INPPL1: variants seen among roughly 807,000 people sequenced by gnomAD.
INPPL1 encodes phosphatidylinositol 3,4,5-trisphosphate 5-phosphatase 2.
INPPL1 carries 91 observed loss-of-function variants against 139.3 expected under a neutral mutation model. The observed-to-expected ratio is 0.65, with a 90% CI of 0.55 to 0.78. The LOEUF is 0.78. INPPL1 is among the 30% of genes least tolerant of loss of function. The probability of loss-of-function intolerance (pLI) is 0.00; values close to 1 mark genes in which losing one functional copy is unlikely to be tolerated. For synonymous variants in INPPL1, 719 were observed against 686.6 expected (o/e 1.05, Z -0.74); for missense variants, 1,411 against 1,665.6 (o/e 0.85, Z 2.66).
chr11:72,230,069 G>C, intron 8 of INPPL1, 50 bp downstream of exon 8: 1 of 1,613,940 alleles, frequency 6.2e-7, no homozygotes, highest in Non-Finnish European at 8.5e-7. Context: ...GAGGTGACCA[G>C]GGTGCTGCCT....
rs901314805 is a variant in INPPL1, at chr11:72,236,005, C to A, written c.2879+19C>A. 6.3e-6 allele frequency: 9 copies of A among 1,435,528 alleles called. No homozygotes were observed. The highest frequency in any genetic ancestry group is 8.6e-6 in the Non-Finnish European group (9 of 1,048,750). 88.9% of individuals were successfully genotyped at this position (1,435,528 alleles called of 1,614,324 possible). A position where few individuals can be genotyped will look rare whatever the true frequency, so the allele number is the denominator to read the frequency against. On this transcript the variant is annotated intron_variant, in intron 25 of 27. Coordinates refer to ENST00000298229, the MANE Select transcript of INPPL1 (RefSeq NM_001567.4). ...CCCCCAGGTGAGAGGAGGAACCTGT[C>A]ACCGCCCCCCCTTCCCCCACCCACC... is the stretch of plus-strand genomic sequence containing the variant.
chr11:72,230,476 G>A lies in INPPL1; in HGVS notation c.1197+8G>A, dbSNP rs369144672. 5.0e-5 allele frequency: 80 copies of A among 1,612,708 alleles called. 1 individual carries two copies. In the African/African-American group the frequency reaches 7.6e-4, roughly 15 times the overall value. On this transcript the variant is annotated splice_region_variant and intron_variant, in intron 10 of 27. Transcript: ENST00000298229. ...ATCTTTGTCAGTGCCCGGGTGAGCA[G>A]CAGGCTGGGCCAGGCCACTGGGGAC...
intron 10 of INPPL1, 129 bp from the exon 11 acceptor site, chr11:72,230,667 G>T: frequency 1.2e-6 from 1 of 853,888 alleles, no homozygotes; most frequent in Non-Finnish European, 1.9e-6. Flanking sequence ...ATATGCTTGA[G>T]CAGTGGGTAT....
chr11:72,235,877 GCCT>G lies in INPPL1; in HGVS notation c.2774_2776del (p.Ser925del). ...GAGCCGCAAGCCAGCCTTCACAGAG[GCCT>G]CCTGCCCGCTCTCCAGGTTATTTGA... On this transcript the variant is annotated inframe_deletion, in exon 25 of 28. Transcript: ENST00000298229. This position sits in a 1 kb window ranked among gnomAD's most constrained non-coding sequence, Gnocchi z 4.9. The G allele has an allele frequency of 6.2e-7, 1 of 1,613,302 alleles. No individual in the cohort carries two copies. Among genetic ancestry groups the G allele is most frequent in the Non-Finnish European group, 8.5e-7 (1 of 1,179,762 alleles).
In INPPL1 at chr11:72,235,712, G is replaced by C; in HGVS notation, c.2697G>C (p.Lys899Asn). The C allele has an allele frequency of 6.2e-7, 1 of 1,614,146 alleles. No individual in the cohort carries two copies. Among genetic ancestry groups the C allele is most frequent in the Non-Finnish European group, 8.5e-7 (1 of 1,180,006 alleles). Residue 899 changes from lysine (K) to asparagine (N), a missense_variant, in exon 24 of 28, where the codon AAG becomes AAC. By Grantham distance (94) the Lys-to-Asn change is moderately conservative. Transcript: ENST00000298229. This position sits in a 1 kb window ranked among gnomAD's most constrained non-coding sequence, Gnocchi z 4.9. ...TTGATAAGGATGAGGCAGGAGCAAA[G>C]AGCAAAGCCCCCTCTGTGTCCCGAG... is the stretch of plus-strand genomic sequence containing the variant. Reference protein sequence around the residue: ...ISIDKDEAGAKSKAPSVSRGS... With the variant: ...ISIDKDEAGANSKAPSVSRGS...
Position 72,228,108 on chromosome 11 carries a change from G to A in INPPL1, c.183-82G>A, listed in dbSNP as rs1948724723. 4 of 1,484,956 alleles carry A rather than the reference G, an allele frequency of 2.7e-6. No homozygotes were observed. Among genetic ancestry groups the A allele is most frequent in the Non-Finnish European group, 2.8e-6 (3 of 1,063,980 alleles). The allele number at this position is 1,484,956 out of a possible 1,614,324, so 92.0% of individuals were successfully genotyped here. On this transcript the variant is annotated intron_variant, in intron 1 of 27. Coordinates refer to ENST00000298229, the MANE Select transcript of INPPL1 (RefSeq NM_001567.4). This position sits in a 1 kb window ranked among gnomAD's most constrained non-coding sequence, Gnocchi z 5.0. ...CAAGCTGAGGGGGTTGGGGTGCTGA[G>A]CTTGCTGGCAGGAGGAAGGGGTGCT...
chr11:72,231,756 T>G lies in INPPL1; in HGVS notation c.1615+141T>G, dbSNP rs1049902447. On this transcript the variant is annotated intron_variant, in intron 13 of 27. Transcript: ENST00000298229. ...GGTACTTTGAACTTTGAAAAACATA[T>G]TCATATTCTAAATCTCTCCCAGCAC... 8 of 673,420 alleles carry G rather than the reference T, an allele frequency of 1.2e-5. No individual in the cohort carries two copies. In the African/African-American group the frequency reaches 1.4e-4, roughly 12 times the overall value. The allele number at this position is 673,420 out of a possible 1,614,324, so 41.7% of individuals were successfully genotyped here.
In INPPL1 at chr11:72,238,122, G is replaced by A; in HGVS notation, c.3633G>A (p.Glu1211=). ...CCTGGCTGCGGGCCATCGGCTTGGA[G>A]CGCTATGAGGAGGGCCTGGTGCATA... The part of the protein sequence containing the change: ...MSAWLRAIGL[E]RYEEGLVHNG... Residue 1211 remains glutamate, a synonymous_variant, in exon 27 of 28, where the codon GAG becomes GAA. Coordinates refer to ENST00000298229, the MANE Select transcript of INPPL1 (RefSeq NM_001567.4). 3 of 1,579,788 alleles carry A rather than the reference G, an allele frequency of 1.9e-6. No individual in the cohort carries two copies. Among genetic ancestry groups the A allele is most frequent in the Non-Finnish European group, 2.6e-6 (3 of 1,163,386 alleles).
At position 72,238,284 on chromosome 11, in the gene INPPL1, G is replaced by C. The variant is rs761593179; in HGVS notation, c.3708G>C (p.Leu1236Phe). 6.2e-7 allele frequency: 1 copy of C among 1,611,334 alleles called. No homozygotes were observed. Among genetic ancestry groups the C allele is most frequent in the Admixed American group, 1.7e-5 (1 of 59,748 alleles). ...EFLSDITEED[L>F]EEAGVQDPAH... ...ACAGTGACATCACCGAGGAGGACTT[G>C]GAGGAGGCTGGGGTGCAGGACCCGG... Residue 1236 changes from leucine to phenylalanine, a missense_variant, in exon 28 of 28, where the codon TTG becomes TTC. By Grantham distance (22) the Leu-to-Phe change is conservative (BLOSUM62 0). Around this residue, in one of 5 missense-constraint regions of INPPL1, gnomAD observed 438 missense variants for 425.7 expected, o/e 1.03. Coordinates refer to ENST00000298229, the MANE Select transcript of INPPL1 (RefSeq NM_001567.4).
chr11:72,225,212 G>T (rs1948635263), intron 1 of INPPL1, 46 bp downstream of exon 1: 3 of 1,223,726 alleles, frequency 2.5e-6, no homozygotes, highest in Non-Finnish European at 3.1e-6. Flanking sequence ...GACCGGGAGC[G>T]CGGGCACGGC....
At chr11:72,231,316 C>A in intron 12 of INPPL1, 127 bp downstream of exon 12, 1 of 1,035,244 alleles carries the variant, frequency 9.7e-7, no homozygotes, top group Non-Finnish European at 1.4e-6. Context: ...TGAGCATATC[C>A]TTTGGGAGAT....
In INPPL1 at chr11:72,232,925, G is replaced by A. The variant is rs1175842706; in HGVS notation, c.1902G>A (p.Val634=). The change falls in exon 16 of 28, where the codon GTG becomes GTA. Residue 634 remains valine, a synonymous_variant. Coordinates refer to ENST00000298229, the MANE Select transcript of INPPL1 (RefSeq NM_001567.4). The part of the protein sequence containing the change: ...SRKEFEPLLR[V]DQLNLEREKH... ...AAGAGTTTGAGCCCCTCCTCAGGGT[G>A]GACCAGCTCAACCTGGAGCGGGAGA... The A allele has an allele frequency of 6.2e-7, 1 of 1,613,984 alleles. No individual in the cohort carries two copies. Among genetic ancestry groups the A allele is most frequent in the Non-Finnish European group, 8.5e-7 (1 of 1,180,006 alleles).
Position 72,237,289 on chromosome 11 carries a change from C to T in INPPL1, c.3045C>T (p.Asn1015=), listed in dbSNP as rs369577430. 28 of 1,613,946 alleles carry T rather than the reference C, an allele frequency of 1.7e-5. No homozygotes were observed. The highest frequency in any genetic ancestry group is 2.0e-5 in the Non-Finnish European group (24 of 1,180,034). ...ARAPVPSATK[N]KVAITVPAPQ... ...CCCCTGTCCCATCTGCCACCAAGAA[C>T]AAAGTGGCCATTACAGTGCCTGCTC... Residue 1015 remains asparagine (N), a synonymous_variant, in exon 26 of 28, where the codon AAC becomes AAT. Transcript: ENST00000298229.
At position 72,235,375 on chromosome 11, in the gene INPPL1, G is replaced by T. The variant is rs776476271; in HGVS notation, c.2583G>T (p.Glu861Asp). The T allele has an allele frequency of 6.2e-7, 1 of 1,613,994 alleles. No individual in the cohort carries two copies. Among genetic ancestry groups the T allele is most frequent in the Non-Finnish European group, 8.5e-7 (1 of 1,180,028 alleles). The change falls in exon 23 of 28, where the codon GAG (glutamate) becomes GAT (aspartate). Residue 861 changes from glutamate to aspartate, a missense_variant. Physicochemically the swap from Glu to Asp is conservative, Grantham distance 45. This residue lies in a region of INPPL1 where 99 missense variants were observed against 171.6 expected (regional missense o/e 0.58). Transcript: ENST00000298229. The surrounding 1 kb of genome is among the most constrained non-coding windows in gnomAD (Gnocchi z 4.9). ...TGACCTTCCTATCCCACCGTGGCGA[G>T]GAGACAGGCAATATCAGAGGCTCCA... ...QFLTFLSHRG[E>D]ETGNIRGSMK...
In INPPL1 at chr11:72,239,036, TGCAA is replaced by T. The variant is rs1949082569; in HGVS notation, c.*687_*690del. ...CAGGTCTCAGCCCGGGACAGGGTCTTGCAAGCAGCCTCCTGGGCAGTCGTAAGGG... is the reference window on the plus strand; with the variant it reads ...CAGGTCTCAGCCCGGGACAGGGTCTTGCAGCCTCCTGGGCAGTCGTAAGGG... On this transcript the variant is annotated 3_prime_UTR_variant, in exon 28 of 28. Transcript: ENST00000298229. 6.6e-6 allele frequency: 1 copy of T among 152,438 alleles called. No individual in the cohort carries two copies. The highest frequency in any genetic ancestry group is 1.5e-5 in the Non-Finnish European group (1 of 68,148). 9.4% of individuals were successfully genotyped at this position (152,438 alleles called of 1,614,324 possible). A position where few individuals can be genotyped will look rare whatever the true frequency, so the allele number is the denominator to read the frequency against.
At chr11:72,232,137 G>C (rs1591278741) in intron 13 of INPPL1, 103 bp from the exon 14 acceptor site, 1 of 912,080 alleles carries the variant, frequency 1.1e-6, no homozygotes, top group Non-Finnish European at 1.7e-6. Context: ...CGTCTGGTGG[G>C]CTCAGCGGGA....
chr11:72,239,109 A>G lies in INPPL1; in HGVS notation c.*756A>G, dbSNP rs1352436746. On this transcript the variant is annotated 3_prime_UTR_variant, in exon 28 of 28. Transcript: ENST00000298229. ...AATAAATTAAGTTTTATTTGGATTGAGTAAAACTTCAATAAATTACAAGTT... is the reference window on the plus strand; with the variant it reads ...AATAAATTAAGTTTTATTTGGATTGGGTAAAACTTCAATAAATTACAAGTT... The G allele has an allele frequency of 3.9e-5, 6 of 152,212 alleles. No homozygotes were observed. Among genetic ancestry groups the G allele is most frequent in the African/African-American group, 1.4e-4 (6 of 41,430 alleles). The allele number at this position is 152,212 out of a possible 1,614,324, so 9.4% of individuals were successfully genotyped here.
intron 1 of INPPL1, among the ~76,000 whole-genome samples, chr11:72,227,517 G>C (rs1948706905): frequency 1.3e-5 from 2 of 152,140 alleles, no homozygotes; most frequent in South Asian, 4.1e-4. Flanking sequence ...AGCATGCCCT[G>C]AGGTGCGGAG....
At chr11:72,236,084 C>T in intron 25 of INPPL1, 98 bp downstream of exon 25, 1 of 702,594 alleles carries the variant, frequency 1.4e-6, no homozygotes, top group South Asian at 1.9e-5. Context: ...AGATCATCAG[C>T]TGCTTAGGTG....
Sources: gnomAD v4.1 joint callset for allele counts (sites outside exome capture counted in the v4.1 genomes callset) on GRCh38, gnomAD v4.1.1 for gene constraint, gnomAD v4.1.1 regional missense constraint, Gnocchi (gnomAD v3.1) non-coding constraint, MANE v1.5 for transcripts, NCBI Gene and HGNC (gene_info 2026-07-23, HGNC 2026-07-21) for gene names.